The following ZNF710 variants were observed in gnomAD, a reference collection of about 807,000 sequenced individuals.
The protein encoded by ZNF710 is zinc finger protein 710.
Under a neutral mutation model 50.6 loss-of-function variants are expected in ZNF710, and 13 were observed. The observed-to-expected ratio is 0.26, with a 90% confidence interval of 0.17 to 0.41. The LOEUF (loss-of-function observed/expected upper bound fraction) is 0.41. Among genes scored for constraint, ZNF710 ranks in the 10% least tolerant of loss-of-function variants. The probability of loss-of-function intolerance (pLI) is 1.00; values close to 1 mark genes in which losing one functional copy is unlikely to be tolerated. For missense variants in ZNF710, 721 were observed against 936.6 expected, an observed-to-expected ratio of 0.77 and a Z score of 3.01; for synonymous variants, 383 against 397.0, an observed-to-expected ratio of 0.96 and a Z score of 0.42.
Position 90,059,332 on chromosome 15 carries a change from C to T in ZNF710, c.-28-7778C>T, listed in dbSNP as rs1899930289. On this transcript the variant is annotated intron_variant, in intron 1 of 4. Transcript: ENST00000268154. This position sits in a 1 kb window ranked among gnomAD's most constrained non-coding sequence, Gnocchi z 4.1. ...ATGAAGGCATGGGCAGTGCATCCCG[C>T]CTACCAAAAGGCTGTGGGGGCTGCG... Among the ~76,000 whole-genome samples the T allele has an allele frequency of 6.6e-6, 1 of 152,164 alleles. No individual in the cohort carries two copies. Among genetic ancestry groups the T allele is most frequent in the Non-Finnish European group, 1.5e-5 (1 of 68,022 alleles).
chr15:90,018,201 C>T (rs1047889531), intron 1 of ZNF710, among the ~76,000 whole-genome samples: 1 of 139,490 alleles, frequency 7.2e-6, no homozygotes, highest in Non-Finnish European at 1.5e-5. Flanking sequence ...TGGAGTCTTG[C>T]TCTGTCACCC....
chr15:90,008,441 C>CATATATATATATATATATATAT (rs1011267136), intron 1 of ZNF710, among the ~76,000 whole-genome samples: 3 of 126,508 alleles, frequency 2.4e-5, no homozygotes, highest in African/African-American at 1.1e-4. Flanking sequence ...TATATATATA[C>CATATATATATATATATATATAT]ATATATATAT....
chr15:90,073,572 T>C (rs1404458024), intron 3 of ZNF710, among the ~76,000 whole-genome samples: 1 of 151,964 alleles, frequency 6.6e-6, no homozygotes, highest in African/African-American at 2.4e-5. Context: ...TTCTGATAAG[T>C]GCAGCTCAGA....
chr15:90,021,129 C>T (rs927002095), intron 1 of ZNF710, among the ~76,000 whole-genome samples: 2 of 152,142 alleles, frequency 1.3e-5, no homozygotes, highest in Admixed American at 6.5e-5. Context: ...GACCTGGACC[C>T]GCCTTAGCCT....
intron 1 of ZNF710, chr15:90,025,023 T>C (rs1898734691): frequency 2.7e-5 from 1 of 37,622 alleles, no homozygotes; most frequent in African/African-American, 8.8e-5. Flanking sequence ...GATGTGTTGC[T>C]GTGGTTGGAT....
intron 4 of ZNF710, chr15:90,074,603 C>T (rs1161821629): frequency 3.0e-5 from 32 of 1,066,718 alleles, no homozygotes; most frequent in Non-Finnish European, 3.8e-5. Flanking sequence ...TTGGCTCTGT[C>T]ATTGTCATCG....
chr15:90,066,025 A>G (rs887924486), intron 1 of ZNF710, among the ~76,000 whole-genome samples: 6 of 152,244 alleles, frequency 3.9e-5, no homozygotes, highest in African/African-American at 1.4e-4. Context: ...TCTTCTTTCA[A>G]ATCAGATCGG....
chr15:90,053,980 GAT>G (rs1426965367), intron 1 of ZNF710, among the ~76,000 whole-genome samples: 1 of 152,182 alleles, frequency 6.6e-6, no homozygotes, highest in African/African-American at 2.4e-5. Context: ...GGCCGGGACT[GAT>G]CTGGAGAAGC....
chr15:90,036,934 G>A (rs538943966), intron 1 of ZNF710, among the ~76,000 whole-genome samples: 3 of 152,340 alleles, frequency 2.0e-5, no homozygotes, highest in African/African-American at 7.2e-5. Flanking sequence ...GGTTGCTAAA[G>A]AGGCACTTCA....
At chr15:90,044,675 CTT>C (rs1249318345) in intron 1 of ZNF710, among the ~76,000 whole-genome samples, 1 of 152,156 alleles carries the variant, frequency 6.6e-6, no homozygotes, top group African/African-American at 2.4e-5. Flanking sequence ...CTGTAGGCCT[CTT>C]TATTTTTCTT....
rs1374375016 is a variant in ZNF710 at position 90,040,659 on chromosome 15, AATACTG to A, written c.-28-26448_-28-26443del. On this transcript the variant is annotated intron_variant, in intron 1 of 4. Transcript: ENST00000268154. This position sits in a 1 kb window ranked among gnomAD's most constrained non-coding sequence, Gnocchi z 4.6. ...ATATGCATCTTTTTTTACATCAAACAATACTGATGGGCTTCTAGTGCTAAAGCAGCA... is the reference window on the plus strand; with the variant it reads ...ATATGCATCTTTTTTTACATCAAACAATGGGCTTCTAGTGCTAAAGCAGCA... Among the ~76,000 whole-genome samples the A allele has an allele frequency of 2.6e-5, 4 of 152,062 alleles. No individual in the cohort carries two copies. In the East Asian group the frequency reaches 7.7e-4, roughly 29 times the overall value.
chr15:90,070,824 A>G (rs945130535), intron 2 of ZNF710, among the ~76,000 whole-genome samples: 13 of 152,206 alleles, frequency 8.5e-5, no homozygotes, highest in African/African-American at 2.9e-4. Context: ...GTCTCCAAAA[A>G]GAGAAAAGGA....
intron 1 of ZNF710, among the ~76,000 whole-genome samples, chr15:90,056,450 G>A (rs1899821239): frequency 6.6e-6 from 1 of 152,170 alleles, no homozygotes; most frequent in Admixed American, 6.5e-5. Context: ...CCTGACTGAG[G>A]GGTAGGGGCC....
intron 1 of ZNF710, among the ~76,000 whole-genome samples, chr15:90,008,425 T>TATATACAC (rs1163160856): frequency 1.5e-5 from 2 of 133,464 alleles, no homozygotes; most frequent in African/African-American, 6.1e-5. Flanking sequence ...TGTGTGTGTG[T>TATATACAC]GTATATATAT....
intron 1 of ZNF710, among the ~76,000 whole-genome samples, chr15:90,042,410 C>T (rs1316229934): frequency 6.6e-6 from 1 of 151,866 alleles, no homozygotes; most frequent in Non-Finnish European, 1.5e-5. Flanking sequence ...CCGGACTGGT[C>T]CTTGTCGCTT....
intron 1 of ZNF710, among the ~76,000 whole-genome samples, chr15:90,023,817 C>A (rs1165314988): frequency 1.3e-5 from 2 of 152,092 alleles, no homozygotes; most frequent in Admixed American, 6.5e-5. Flanking sequence ...GGCAGCATGG[C>A]AAAACCCGGT....
intron 1 of ZNF710, among the ~76,000 whole-genome samples, chr15:90,041,396 G>T (rs1211126054): frequency 2.0e-5 from 3 of 152,010 alleles, no homozygotes; most frequent in Non-Finnish European, 4.4e-5. Context: ...TCACTATATT[G>T]CTTAGGCTGG....
At chr15:90,072,567 G>A (rs977181033) in intron 2 of ZNF710, among the ~76,000 whole-genome samples, 11 of 152,124 alleles carry the variant, frequency 7.2e-5, no homozygotes, top group Non-Finnish European at 1.3e-4. Context: ...GAACCAAAAA[G>A]GCCACCAAGA....
chr15:89,999,168 G>A (rs1212803274), upstream of ZNF710, among the ~76,000 whole-genome samples: 1 of 152,226 alleles, frequency 6.6e-6, no homozygotes, highest in African/African-American at 2.4e-5. Context: ...CCTCCTCCAG[G>A]AAGCCACACC....
Sources: allele counts gnomAD v4.1 joint callset (sites outside exome capture counted in the v4.1 genomes callset), GRCh38; gene constraint gnomAD v4.1.1; non-coding constraint Gnocchi (gnomAD v3.1); transcripts MANE v1.5; gene names NCBI Gene and HGNC (gene_info 2026-07-23, HGNC 2026-07-21).